FHAD1: variants seen among roughly 807,000 people sequenced by gnomAD.
FHAD1 encodes the protein forkhead-associated domain-containing protein 1.
A neutral mutation model predicts 191.3 loss-of-function variants in FHAD1; 146 were observed. That is an observed-to-expected ratio of 0.76 (90% CI 0.67 to 0.88). The LOEUF (loss-of-function observed/expected upper bound fraction) is 0.88, where lower values mean the gene tolerates loss of function less well. FHAD1 is among the 40% of genes least tolerant of loss of function. The probability of loss-of-function intolerance (pLI) is 0.00; values close to 1 mark genes in which losing one functional copy is unlikely to be tolerated. For missense variants in FHAD1, 1,635 were observed against 1,785.8 expected (o/e 0.92, Z 1.52); for synonymous variants, 616 against 672.3 (o/e 0.92, Z 1.29).
intron 10 of FHAD1, among the ~76,000 whole-genome samples, chr1:15,320,200 C>T (rs951909507): frequency 2.0e-5 from 3 of 152,142 alleles, no homozygotes; most frequent in Non-Finnish European, 4.4e-5. Flanking sequence ...CTTAATTACA[C>T]TGTGGTCAGA....
intron 7 of FHAD1, among the ~76,000 whole-genome samples, chr1:15,309,638 A>G (rs1229506163): frequency 1.3e-5 from 2 of 151,502 alleles, no homozygotes; most frequent in African/African-American, 4.9e-5. Flanking sequence ...CAAATTCCTC[A>G]ACTTTCCTAA....
chr1:15,238,292 A>G (rs1344757681), intron 1 of FHAD1, among the ~76,000 whole-genome samples: 2 of 150,984 alleles, frequency 1.3e-5, no homozygotes, highest in Non-Finnish European at 2.9e-5. Flanking sequence ...AAATGAGAAG[A>G]GAATGCAGAT....
At position 15,381,517 on chromosome 1, in the gene FHAD1, C is replaced by A; in HGVS notation, c.4022+66C>A. The A allele has an allele frequency of 1.6e-6, 2 of 1,266,470 alleles. No individual in the cohort carries two copies. The highest frequency in any genetic ancestry group is 2.2e-6 in the Non-Finnish European group (2 of 892,850). The allele number at this position is 1,266,470 out of a possible 1,614,324, so 78.5% of individuals were successfully genotyped here. On this transcript the variant is annotated intron_variant, in intron 30 of 33. Coordinates refer to ENST00000688493, the MANE Select transcript of FHAD1 (RefSeq NM_001391957.1). The surrounding 1 kb of genome is among the most constrained non-coding windows in gnomAD (Gnocchi z 4.6). ...CTCCCTTCTCCTGGCTAAACTCAGG[C>A]TAGCAGCAGACCTCTAGGCCTGGGA...
At chr1:15,253,072 TCC>T (rs753437033) in intron 2 of FHAD1, among the ~76,000 whole-genome samples, 5 of 152,142 alleles carry the variant, frequency 3.3e-5, no homozygotes, top group South Asian at 4.2e-4. Context: ...ACACCTACCT[TCC>T]ACCCAGTTTC....
At chr1:15,272,573 G>A (rs56987602) in intron 3 of FHAD1, 44 bp downstream of exon 3, 254,706 of 1,509,582 alleles carry the variant, frequency 0.17, 21,618 homozygotes, top group Admixed American at 0.2. Context: ...TGTCGCCTTC[G>A]TGCAGCCCGG....
chr1:15,269,900 AT>A (rs1444453443), intron 2 of FHAD1, among the ~76,000 whole-genome samples: 2 of 138,728 alleles, frequency 1.4e-5, no homozygotes, highest in Admixed American at 7.4e-5. Flanking sequence ...CCCCTTTACC[AT>A]TATTTATGGC....
chr1:15,308,867 A>T, intron 7 of FHAD1, 131 bp downstream of exon 7: 1 of 1,380,632 alleles, frequency 7.2e-7, no homozygotes, highest in South Asian at 1.4e-5. Context: ...TCTTCCCAGC[A>T]GCCCTTTAGG....
intron 2 of FHAD1, among the ~76,000 whole-genome samples, chr1:15,265,433 T>C (rs10927753): frequency 0.63 from 95,786 of 152,074 alleles, 30,705 homozygotes; most frequent in East Asian, 0.83. Flanking sequence ...AGCTTTCTAC[T>C]AACATCAGTT....
intron 5 of FHAD1, 48 bp downstream of exon 5, chr1:15,296,841 T>C (rs1160820479): frequency 6.9e-7 from 1 of 1,452,492 alleles, no homozygotes; most frequent in Admixed American, 2.0e-5. Flanking sequence ...GCAAGCGCAC[T>C]GCAAAGGGAC....
At chr1:15,358,498 C>T (rs910591023) in intron 21 of FHAD1, among the ~76,000 whole-genome samples, 6 of 152,242 alleles carry the variant, frequency 3.9e-5, no homozygotes, top group East Asian at 1.9e-4. Context: ...GCCCTCTCCC[C>T]ACAGTCGTGA....
Position 15,391,210 on chromosome 1 carries a change from A to C in FHAD1, c.4270A>C (p.Arg1424=). ...TGTTCTTATTCTTTCTGTATTGAAG[A>C]GACGAGTATTTGTAGAGATGGTGAA... ...NCAFKEKDRQ[R]RVFVEMVKNR... The change falls in exon 33 of 34, where the codon AGA becomes CGA. Residue 1424 remains arginine, a splice_region_variant and synonymous_variant. Transcript: ENST00000688493. 1.6e-6 allele frequency: 2 copies of C among 1,284,620 alleles called. No homozygotes were observed. Among genetic ancestry groups the C allele is most frequent in the Non-Finnish European group, 2.0e-6 (2 of 985,588 alleles). 79.6% of individuals were successfully genotyped at this position (1,284,620 alleles called of 1,614,324 possible).
At chr1:15,255,502 T>G (rs1647582985) in intron 2 of FHAD1, among the ~76,000 whole-genome samples, 1 of 152,188 alleles carries the variant, frequency 6.6e-6, no homozygotes, top group Non-Finnish European at 1.5e-5. Flanking sequence ...ATAGAAAGCC[T>G]GTTTTAGCCA....
At chr1:15,367,130 A>G (rs1343555960) in intron 24 of FHAD1, among the ~76,000 whole-genome samples, 1 of 152,108 alleles carries the variant, frequency 6.6e-6, no homozygotes, top group Middle Eastern at 3.2e-3. Flanking sequence ...GCCCAATTCT[A>G]TATCTGCTCA....
At position 15,327,261 on chromosome 1, in the gene FHAD1, A is replaced by G. The variant is rs1679088856; in HGVS notation, c.1557+119A>G. On this transcript the variant is annotated intron_variant, in intron 12 of 33. Transcript: ENST00000688493. This position sits in a 1 kb window ranked among gnomAD's most constrained non-coding sequence, Gnocchi z 5.1. ...TTTTTGTTGGTGGCATATTTTTCAC[A>G]CTGTTGCTACACCATAAAGATTTGT... 1.2e-5 allele frequency: 8 copies of G among 645,300 alleles called. No individual in the cohort carries two copies. In the South Asian group the frequency reaches 1.4e-4, roughly 11 times the overall value. The allele number at this position is 645,300 out of a possible 1,614,324, so 40.0% of individuals were successfully genotyped here.
chr1:15,375,295 C>T (rs1699288006), intron 27 of FHAD1, among the ~76,000 whole-genome samples: 1 of 152,160 alleles, frequency 6.6e-6, no homozygotes, highest in Admixed American at 6.5e-5. Context: ...CCACTGCAGG[C>T]TGGGGCACTG....
chr1:15,265,870 C>G (rs890651429), intron 2 of FHAD1, among the ~76,000 whole-genome samples: 3 of 148,192 alleles, frequency 2.0e-5, no homozygotes, highest in African/African-American at 7.5e-5. Context: ...ACTCAAGAGG[C>G]TGAGGCAGGA....
At chr1:15,365,370 G>T (rs1696079291) in intron 23 of FHAD1, among the ~76,000 whole-genome samples, 1 of 149,042 alleles carries the variant, frequency 6.7e-6, no homozygotes, top group Non-Finnish European at 1.5e-5. Context: ...ATGGGTTCTT[G>T]CTCTGCCACC....
chr1:15,277,648 C>G (rs1658888375), intron 3 of FHAD1, among the ~76,000 whole-genome samples: 1 of 152,180 alleles, frequency 6.6e-6, no homozygotes, highest in African/African-American at 2.4e-5. Context: ...GCAGTGCTGC[C>G]AGCCTGCCAC....
rs966418115 is a variant in FHAD1 at position 15,382,135 on chromosome 1, G to T, written c.4130G>T (p.Arg1377Leu). ...EKALLKEALE[R>L]MEHQLCQEKR... ...GCCCTGCTGAAGGAGGCCCTGGAGCGCATGGAGCACCAGCTGTGCCAGGAG... is the reference window on the plus strand; with the variant it reads ...GCCCTGCTGAAGGAGGCCCTGGAGCTCATGGAGCACCAGCTGTGCCAGGAG... Residue 1377 changes from arginine (R) to leucine (L), a missense_variant, in exon 31 of 34, where the codon CGC (arginine) becomes CTC (leucine). Physicochemically the swap from Arg to Leu is moderately radical, Grantham distance 102. Coordinates refer to ENST00000688493, the MANE Select transcript of FHAD1 (RefSeq NM_001391957.1). The T allele has an allele frequency of 6.4e-7, 1 of 1,552,040 alleles. No homozygotes were observed. Among genetic ancestry groups the T allele is most frequent in the African/African-American group, 1.4e-5 (1 of 73,126 alleles).
Sources: allele counts gnomAD v4.1 joint callset (sites outside exome capture counted in the v4.1 genomes callset), GRCh38; gene constraint gnomAD v4.1.1; non-coding constraint Gnocchi (gnomAD v3.1); transcripts MANE v1.5; gene names NCBI Gene and HGNC (gene_info 2026-07-23, HGNC 2026-07-21).